Variants in CNGB3 observed in about 807,000 individuals in gnomAD.
CNGB3 encodes cyclic nucleotide gated channel subunit beta 3.
In CNGB3, 86 loss-of-function variants were observed where a neutral mutation model predicts 92.8. That is an observed-to-expected ratio of 0.93 (90% CI 0.78 to 1.11). CNGB3 has a LOEUF of 1.11. Ranked by LOEUF, CNGB3 falls within the 50% of genes least tolerant of loss-of-function variation. The pLI, the probability that CNGB3 is intolerant of heterozygous loss-of-function variation, is 0.00. For missense variants in CNGB3, 1,026 were observed against 956.8 expected (o/e 1.07, Z -0.95); for synonymous variants, 333 against 332.7 (o/e 1.00, Z -0.01).
Position 86,575,371 on chromosome 8 carries a change from T to C in CNGB3, c.*433A>G, listed in dbSNP as rs781588883. 1 of 157,132 alleles carries C rather than the reference T, an allele frequency of 6.4e-6. No individual in the cohort carries two copies. The highest frequency in any genetic ancestry group is 6.4e-5 in the Admixed American group (1 of 15,724). The allele number at this position is 157,132 out of a possible 1,614,324, so 9.7% of individuals were successfully genotyped here. On this transcript the variant is annotated 3_prime_UTR_variant, in exon 18 of 18. Transcript: ENST00000320005. ...ACATTAAAATCTTATACCCTTTACA[T>C]GTAAGAGGTGAAATTCATAAACCTA...
chr8:86,631,973 T>G (rs10106841), intron 11 of CNGB3, among the ~76,000 whole-genome samples: 51,449 of 151,906 alleles, frequency 0.34, 10,218 homozygotes, highest in Middle Eastern at 0.51. Flanking sequence ...GGAACCCATA[T>G]CCCAACTGCC....
intron 2 of CNGB3, among the ~76,000 whole-genome samples, chr8:86,734,581 T>C (rs1825212532): frequency 6.6e-6 from 1 of 152,206 alleles, no homozygotes; most frequent in African/African-American, 2.4e-5. Flanking sequence ...GTGGACTAAA[T>C]TTGGTAAGAA....
chr8:86,678,378 T>A (rs547404329), intron 3 of CNGB3, among the ~76,000 whole-genome samples: 6 of 152,220 alleles, frequency 3.9e-5, no homozygotes, highest in Non-Finnish European at 5.9e-5. Flanking sequence ...TCACTCCCTT[T>A]TCACATTCAC....
intron 13 of CNGB3, among the ~76,000 whole-genome samples, chr8:86,613,206 G>T (rs1050657065): frequency 4.9e-4 from 75 of 152,274 alleles, no homozygotes; most frequent in Non-Finnish European, 7.4e-5. Context: ...TTTGCTTTGT[G>T]CAAAGTATAC....
intron 15 of CNGB3, among the ~76,000 whole-genome samples, chr8:86,585,751 G>T (rs1340311787): frequency 1.3e-5 from 2 of 152,110 alleles, no homozygotes; most frequent in Admixed American, 1.3e-4. Context: ...CTGCAAAGTG[G>T]TAGAAAACTT....
chr8:86,587,800 A>G (rs1821930462), intron 15 of CNGB3, among the ~76,000 whole-genome samples: 1 of 151,238 alleles, frequency 6.6e-6, no homozygotes, highest in Non-Finnish European at 1.5e-5. Flanking sequence ...CTTTTGGCTT[A>G]GGATTGACTT....
intron 3 of CNGB3, among the ~76,000 whole-genome samples, chr8:86,693,268 C>G (rs574288933): frequency 1.3e-5 from 2 of 152,024 alleles, no homozygotes; most frequent in East Asian, 1.9e-4. Context: ...ATTTGGATGT[C>G]TAGATATTTA....
At chr8:86,702,314 A>G (rs1047302430) in intron 3 of CNGB3, among the ~76,000 whole-genome samples, 4 of 152,208 alleles carry the variant, frequency 2.6e-5, no homozygotes, top group African/African-American at 9.6e-5. Flanking sequence ...AATTCTCCTT[A>G]AGGCTATTCT....
chr8:86,576,707 C>A (rs1821668616), intron 17 of CNGB3, among the ~76,000 whole-genome samples: 1 of 152,132 alleles, frequency 6.6e-6, no homozygotes, highest in South Asian at 2.1e-4. Flanking sequence ...GTACACTATG[C>A]TCTTTACTGG....
chr8:86,625,584 G>A (rs553714385), intron 13 of CNGB3, among the ~76,000 whole-genome samples: 29 of 152,196 alleles, frequency 1.9e-4, no homozygotes, highest in African/African-American at 5.5e-4. Flanking sequence ...TAGAAGACAT[G>A]ATTAGGTATA....
rs566247168 is a variant in CNGB3, at chr8:86,587,899, A to C, written c.1782-8647T>G. The stretch of plus-strand genomic sequence containing the variant: ...GAAACGCATTGGTAGCTTGATGGGG[A>C]TTGCATTGAATCTGTAAATTACCTT... On this transcript the variant is annotated intron_variant, in intron 15 of 17. Coordinates refer to ENST00000320005, the MANE Select transcript of CNGB3 (RefSeq NM_019098.5). 2.0e-5 allele frequency among the ~76,000 whole-genome samples: 3 copies of C among 152,080 alleles called. No homozygotes were observed. The East Asian group carries it at 5.8e-4, about 29-fold the overall frequency.
chr8:86,702,111 C>G (rs947677005), intron 3 of CNGB3, among the ~76,000 whole-genome samples: 16 of 152,014 alleles, frequency 1.1e-4, no homozygotes, highest in African/African-American at 3.9e-4. Context: ...TTACATGTTC[C>G]TCACATTATA....
Position 86,662,763 on chromosome 8 carries a change from G to C in CNGB3, c.852+4162C>G, listed in dbSNP as rs138442548. 4.5e-3 allele frequency among the ~76,000 whole-genome samples: 689 copies of C among 152,236 alleles called. 7 individuals carry two copies. The highest frequency in any genetic ancestry group is 0.015 in the African/African-American group (643 of 41,540). ...AGCAGGGGGCTCTGACCTTGTGGAG[G>C]ATCCCTGTTTCCCCCCTTTTTAAAC... On this transcript the variant is annotated intron_variant, in intron 6 of 17. Transcript: ENST00000320005.
rs78927155 is a variant in CNGB3 at position 86,574,621 on chromosome 8, A to C, written c.*1183T>G. On this transcript the variant is annotated 3_prime_UTR_variant, in exon 18 of 18. Coordinates refer to ENST00000320005, the MANE Select transcript of CNGB3 (RefSeq NM_019098.5). ...AACCCTCTCAGCAAAGTGCTGTTAC[A>C]GTGACCATCTTTGGAGACTTGGAAA... 1 of 152,182 alleles carries C rather than the reference A, an allele frequency of 6.6e-6. No homozygotes were observed. Among genetic ancestry groups the C allele is most frequent in the African/African-American group, 2.4e-5 (1 of 41,444 alleles). 9.4% of individuals were successfully genotyped at this position (152,182 alleles called of 1,614,324 possible). A position where few individuals can be genotyped will look rare whatever the true frequency, so the allele number is the denominator to read the frequency against.
chr8:86,629,126 T>G, intron 11 of CNGB3, 48 bp from the exon 12 acceptor site: 1 of 1,601,142 alleles, frequency 6.2e-7, no homozygotes, highest in Non-Finnish European at 8.6e-7. Context: ...GGAAATGAGT[T>G]AATAAAAGTC....
At chr8:86,611,561 T>C in intron 14 of CNGB3, 27 bp downstream of exon 14, 2 of 1,559,116 alleles carry the variant, frequency 1.3e-6, no homozygotes, top group Non-Finnish European at 1.8e-6. Context: ...TTATTAGTTG[T>C]GCATTTGAAA....
At chr8:86,701,447 T>G (rs1204095552) in intron 3 of CNGB3, among the ~76,000 whole-genome samples, 1 of 152,204 alleles carries the variant, frequency 6.6e-6, no homozygotes, top group Non-Finnish European at 1.5e-5. Context: ...AGACAAGCTT[T>G]GGAGGACATC....
intron 11 of CNGB3, among the ~76,000 whole-genome samples, chr8:86,631,619 A>G (rs1019227862): frequency 1.3e-4 from 20 of 152,160 alleles, no homozygotes; most frequent in Non-Finnish European, 1.5e-5. Flanking sequence ...TGAATTTAGT[A>G]TCTCTCAAAC....
Position 86,658,919 on chromosome 8 carries a change from C to T in CNGB3, c.853-4857G>A, listed in dbSNP as rs868507844. 1.3e-4 allele frequency: 123 copies of T among 973,266 alleles called. 1 individual carries two copies. The South Asian group carries it at 1.6e-3, about 13-fold the overall frequency. 60.3% of individuals were successfully genotyped at this position (973,266 alleles called of 1,614,324 possible). A position where few individuals can be genotyped will look rare whatever the true frequency, so the allele number is the denominator to read the frequency against. On this transcript the variant is annotated intron_variant, in intron 6 of 17. Coordinates refer to ENST00000320005, the MANE Select transcript of CNGB3 (RefSeq NM_019098.5). ...GCTCAGCCTTCTGCTCTAGCTCCAG[C>T]AGCCTCTCCTCCTGCTCTCGGTTCA...
Sources: allele counts gnomAD v4.1 joint callset (sites outside exome capture counted in the v4.1 genomes callset), GRCh38; gene constraint gnomAD v4.1.1; transcripts MANE v1.5; gene names NCBI Gene and HGNC (gene_info 2026-07-23, HGNC 2026-07-21).